Variants in C3orf70 observed in about 807,000 individuals in gnomAD.
The protein encoded by C3orf70 is chromosome 3 open reading frame 70.
A neutral mutation model predicts 20.7 loss-of-function variants in C3orf70; 15 were observed. That is an observed-to-expected ratio of 0.72 (90% CI 0.48 to 1.11). C3orf70 has a LOEUF of 1.11. Among genes scored for constraint, C3orf70 ranks in the 50% most tolerant of loss-of-function variants. C3orf70 has a pLI of 0.00. For missense variants in C3orf70, 332 were observed against 317.6 expected (o/e 1.05, Z -0.34); for synonymous variants, 161 against 125.7 (o/e 1.28, Z -1.88).
Position 185,083,282 on chromosome 3 carries a change from C to G in C3orf70, c.478G>C (p.Glu160Gln), listed in dbSNP as rs1416888348. ...AAGGCATCGTGTGCAGAGACCTCCTCAGGGCTCATTCTGTGGGAATGTGGT... is the reference window on the plus strand; with the variant it reads ...AAGGCATCGTGTGCAGAGACCTCCTGAGGGCTCATTCTGTGGGAATGTGGT... ...PAPHSHRMSP[E>Q]EVSAHDALIS... Residue 160 changes from glutamate to glutamine, a missense_variant, in exon 2 of 2, where the codon GAG becomes CAG. Glu to Gln is a conservative substitution (Grantham distance 29). Transcript: ENST00000335012. 6.2e-7 allele frequency: 1 copy of G among 1,614,214 alleles called. No individual in the cohort carries two copies. Among genetic ancestry groups the G allele is most frequent in the Non-Finnish European group, 8.5e-7 (1 of 1,180,046 alleles).
chr3:185,129,139 A>T (rs1716477453), intron 1 of C3orf70, among the ~76,000 whole-genome samples: 1 of 152,188 alleles, frequency 6.6e-6, no homozygotes, highest in Non-Finnish European at 1.5e-5. Context: ...GATACAGGGT[A>T]CATATGTGCA....
intron 1 of C3orf70, among the ~76,000 whole-genome samples, chr3:185,135,589 C>T (rs868455640): frequency 7.2e-5 from 11 of 152,188 alleles, no homozygotes; most frequent in African/African-American, 1.9e-4. Flanking sequence ...AGCAGAGTAG[C>T]GTAACTATAG....
At chr3:185,085,777 A>G (rs1397611951) in intron 1 of C3orf70, among the ~76,000 whole-genome samples, 2 of 151,282 alleles carry the variant, frequency 1.3e-5, no homozygotes, top group Non-Finnish European at 2.9e-5. Context: ...GGGCTAAAGA[A>G]GGCTGACCTT....
chr3:185,127,735 C>T (rs1716442678), intron 1 of C3orf70, among the ~76,000 whole-genome samples: 1 of 152,042 alleles, frequency 6.6e-6, no homozygotes, highest in Non-Finnish European at 1.5e-5. Context: ...CCACCATGAC[C>T]GGCCACTATT....
At chr3:185,146,276 A>ATTTTTTTT in intron 1 of C3orf70, among the ~76,000 whole-genome samples, 1 of 67,022 alleles carries the variant, frequency 1.5e-5, no homozygotes, top group Non-Finnish European at 2.8e-5. Context: ...TACAACTCTC[A>ATTTTTTTT]TTTTTTTTTT....
intron 1 of C3orf70, among the ~76,000 whole-genome samples, chr3:185,098,238 T>A (rs1348918705): frequency 6.6e-6 from 1 of 152,218 alleles, no homozygotes; most frequent in Non-Finnish European, 1.5e-5. Context: ...TGCAGATGGC[T>A]GGCTCAAAGA....
At chr3:185,125,209 G>A (rs1230583606) in intron 1 of C3orf70, among the ~76,000 whole-genome samples, 1 of 152,078 alleles carries the variant, frequency 6.6e-6, no homozygotes. Context: ...GAGAAAACCT[G>A]TCTCTACTAA....
chr3:185,093,871 A>G (rs895465936), intron 1 of C3orf70, among the ~76,000 whole-genome samples: 3 of 152,042 alleles, frequency 2.0e-5, no homozygotes, highest in Middle Eastern at 3.4e-3. Context: ...TTACCTAGAT[A>G]CAGTCATCCC....
intron 1 of C3orf70, among the ~76,000 whole-genome samples, chr3:185,135,917 AAC>A (rs1470099905): frequency 6.6e-6 from 1 of 151,268 alleles, no homozygotes; most frequent in Non-Finnish European, 1.5e-5. Context: ...AAAAATAAAA[AAC>A]AAGAAAAAAA....
At chr3:185,085,292 T>C (rs1182227624) in intron 1 of C3orf70, among the ~76,000 whole-genome samples, 4 of 152,048 alleles carry the variant, frequency 2.6e-5, no homozygotes, top group Non-Finnish European at 4.4e-5. Context: ...CACAGGAGAG[T>C]AGCAATTTCA....
rs115320885 is a variant in C3orf70, at chr3:185,087,952, C to T, written c.197-4389G>A. On this transcript the variant is annotated intron_variant, in intron 1 of 1. Coordinates refer to ENST00000335012, the MANE Select transcript of C3orf70 (RefSeq NM_001025266.3). Reference sequence around the variant, plus strand: ...TTTGAGATGGAGTCTCTCTCTGCTGCGCAGGCTGGAGGGCAATAGCACGAT... The same window carrying T: ...TTTGAGATGGAGTCTCTCTCTGCTGTGCAGGCTGGAGGGCAATAGCACGAT... Among the ~76,000 whole-genome samples the T allele has an allele frequency of 1.0e-2, 1,474 of 148,018 alleles. 25 individuals are homozygous for T. Among genetic ancestry groups the T allele is most frequent in the African/African-American group, 0.036 (1,411 of 39,722 alleles).
intron 1 of C3orf70, among the ~76,000 whole-genome samples, chr3:185,141,840 C>A (rs1716759203): frequency 1.4e-5 from 2 of 140,440 alleles, no homozygotes; most frequent in South Asian, 2.2e-4. Flanking sequence ...ACACACATTT[C>A]CTAAATTTGT....
At chr3:185,128,735 G>T (rs1488617876) in intron 1 of C3orf70, among the ~76,000 whole-genome samples, 6 of 152,180 alleles carry the variant, frequency 3.9e-5, no homozygotes, top group Non-Finnish European at 1.5e-5. Context: ...CCTGATTGAA[G>T]TAGAATGGGG....
intron 1 of C3orf70, among the ~76,000 whole-genome samples, chr3:185,141,671 A>G (rs1716751301): frequency 6.6e-6 from 1 of 152,150 alleles, no homozygotes; most frequent in Admixed American, 6.5e-5. Flanking sequence ...TATGTACTCT[A>G]TGTTTCCACT....
chr3:185,137,170 G>A (rs1421298365), intron 1 of C3orf70, among the ~76,000 whole-genome samples: 2 of 152,116 alleles, frequency 1.3e-5, no homozygotes, highest in African/African-American at 4.8e-5. Flanking sequence ...AAAAAGGGGA[G>A]TTTCCCTGCA....
At chr3:185,103,320 C>T (rs1490466343) in intron 1 of C3orf70, among the ~76,000 whole-genome samples, 5 of 152,118 alleles carry the variant, frequency 3.3e-5, no homozygotes, top group South Asian at 2.1e-4. Flanking sequence ...GACAAAGACA[C>T]GAAAAGCAAT....
intron 1 of C3orf70, among the ~76,000 whole-genome samples, chr3:185,084,934 C>CTGCA (rs1238287945): frequency 6.6e-6 from 1 of 152,184 alleles, no homozygotes; most frequent in African/African-American, 2.4e-5. Flanking sequence ...GTTGTATCTT[C>CTGCA]TGCACATTGT....
intron 1 of C3orf70, among the ~76,000 whole-genome samples, chr3:185,115,422 T>C (rs566587660): frequency 2.0e-5 from 3 of 152,344 alleles, no homozygotes; most frequent in South Asian, 4.1e-4. Flanking sequence ...GGACCCATTA[T>C]GGAGAAGGCT....
At chr3:185,096,422 C>T (rs1715706037) in intron 1 of C3orf70, among the ~76,000 whole-genome samples, 1 of 152,144 alleles carries the variant, frequency 6.6e-6, no homozygotes, top group Non-Finnish European at 1.5e-5. Context: ...GGGAGTCATT[C>T]CACAGTAAGC....
Sources: gnomAD v4.1 joint callset for allele counts (sites outside exome capture counted in the v4.1 genomes callset) on GRCh38, gnomAD v4.1.1 for gene constraint, MANE v1.5 for transcripts, NCBI Gene and HGNC (gene_info 2026-07-23, HGNC 2026-07-21) for gene names.